The following PRKAR1A variants were observed in gnomAD, a reference collection of about 807,000 sequenced individuals.
PRKAR1A encodes protein kinase cAMP-dependent type I regulatory subunit alpha.
In PRKAR1A, 3 loss-of-function variants were observed where a neutral mutation model predicts 52.0. That is an observed-to-expected ratio of 0.06 (90% CI 0.03 to 0.15). PRKAR1A has a LOEUF of 0.15. Ranked by LOEUF, PRKAR1A falls within the 10% of genes least tolerant of loss-of-function variation. The pLI, the probability that PRKAR1A is intolerant of heterozygous loss-of-function variation, is 1.00. For synonymous variants in PRKAR1A, 188 were observed against 168.4 expected (o/e 1.12, Z -0.90); for missense variants, 240 against 477.4 (o/e 0.50, Z 4.63).
chr17:68,432,873 C>T, the PRKAR1A span, among the ~76,000 whole-genome samples: 7 of 152,194 alleles, frequency 4.6e-5, no homozygotes, highest in Non-Finnish European at 8.8e-5. Context: ...CCAGAATTTT[C>T]CAACCCCCAT....
chr17:68,433,869 A>G, the PRKAR1A span, among the ~76,000 whole-genome samples: 1 of 138,766 alleles, frequency 7.2e-6, no homozygotes, highest in Non-Finnish European at 1.5e-5. Flanking sequence ...TGCAACCTCT[A>G]CCTCCTGGGT....
the PRKAR1A span, chr17:68,421,899 C>T: frequency 6.3e-7 from 1 of 1,583,034 alleles, no homozygotes; most frequent in Non-Finnish European, 8.7e-7. Flanking sequence ...CAGGTCTGTG[C>T]CCATGCAGAG....
At chr17:68,534,225 A>AT (rs1473644237), downstream of PRKAR1A, among the ~76,000 whole-genome samples, 1 of 152,098 alleles carries the variant, frequency 6.6e-6, no homozygotes, top group Non-Finnish European at 1.5e-5. Flanking sequence ...ACTGAGTAAG[A>AT]TTTTTTCATT....
chr17:68,470,852 T>C, the PRKAR1A span, among the ~76,000 whole-genome samples: 1 of 152,134 alleles, frequency 6.6e-6, no homozygotes, highest in African/African-American at 2.4e-5. Flanking sequence ...AAAACCAAAA[T>C]AATGTATGAA....
the PRKAR1A span, among the ~76,000 whole-genome samples, chr17:68,417,118 T>G: frequency 2.0e-5 from 3 of 152,162 alleles, no homozygotes; most frequent in African/African-American, 7.2e-5. Context: ...TTATTAAGTC[T>G]TAGTAGTTTT....
intron 11 of PRKAR1A, among the ~76,000 whole-genome samples, chr17:68,550,270 A>G (rs2086771745): frequency 6.6e-6 from 1 of 151,954 alleles, no homozygotes; most frequent in South Asian, 2.1e-4. Flanking sequence ...CAATATAAAT[A>G]TAAGCAGACA....
chr17:68,496,359 G>C, the PRKAR1A span, among the ~76,000 whole-genome samples: 30,855 of 151,434 alleles, frequency 0.2, 3,520 homozygotes, highest in East Asian at 0.48. Flanking sequence ...CATTTTCAAA[G>C]CCAGCAATGG....
chr17:68,478,451 A>C, the PRKAR1A span, among the ~76,000 whole-genome samples: 1 of 152,140 alleles, frequency 6.6e-6, no homozygotes, highest in Admixed American at 6.5e-5. Context: ...ACTTCGTCTC[A>C]AAAACAACAA....
At chr17:68,452,417 T>C in the PRKAR1A span, among the ~76,000 whole-genome samples, 10 of 152,166 alleles carry the variant, frequency 6.6e-5, no homozygotes, top group African/African-American at 2.4e-4. Flanking sequence ...ATACAAAAAT[T>C]AGCTGGGTTT....
At chr17:68,529,279 G>C (rs1027286726) in intron 9 of PRKAR1A, among the ~76,000 whole-genome samples, 2 of 152,182 alleles carry the variant, frequency 1.3e-5, no homozygotes, top group African/African-American at 4.8e-5. Flanking sequence ...ATAACAAACT[G>C]TGATGATTCT....
the PRKAR1A span, among the ~76,000 whole-genome samples, chr17:68,456,237 A>G: frequency 1.3e-5 from 2 of 152,376 alleles, no homozygotes; most frequent in South Asian, 2.1e-4. Flanking sequence ...TTTTCAAACA[A>G]AGGCATATTG....
At chr17:68,503,115 G>A in the PRKAR1A span, among the ~76,000 whole-genome samples, 2 of 152,162 alleles carry the variant, frequency 1.3e-5, no homozygotes, top group Admixed American at 1.3e-4. Context: ...CACAAAAAAA[G>A]ATGCTTACCA....
chr17:68,470,698 A>G, the PRKAR1A span, among the ~76,000 whole-genome samples: 1 of 152,228 alleles, frequency 6.6e-6, no homozygotes, highest in South Asian at 2.1e-4. Flanking sequence ...TCCACATACA[A>G]ACAAAAAAAC....
At chr17:68,498,129 C>A in the PRKAR1A span, among the ~76,000 whole-genome samples, 1 of 152,158 alleles carries the variant, frequency 6.6e-6, no homozygotes, top group Non-Finnish European at 1.5e-5. Flanking sequence ...TCATGCCACA[C>A]CTTTGCTAGC....
the PRKAR1A span, among the ~76,000 whole-genome samples, chr17:68,458,385 T>G: frequency 6.6e-6 from 1 of 152,204 alleles, no homozygotes; most frequent in African/African-American, 2.4e-5. Flanking sequence ...TAAACAGTAA[T>G]TTGCAAAAAC....
chr17:68,499,271 T>G, the PRKAR1A span, among the ~76,000 whole-genome samples: 1 of 152,154 alleles, frequency 6.6e-6, no homozygotes, highest in Non-Finnish European at 1.5e-5. Context: ...TCTGCACATT[T>G]CCTCTGCTGG....
At chr17:68,418,939 G>A in the PRKAR1A span, among the ~76,000 whole-genome samples, 1 of 149,528 alleles carries the variant, frequency 6.7e-6, no homozygotes, top group Non-Finnish European at 1.5e-5. Flanking sequence ...GCTATCTTTT[G>A]CTTTAATTCC....
At chr17:68,470,746 G>A in the PRKAR1A span, among the ~76,000 whole-genome samples, 13 of 152,240 alleles carry the variant, frequency 8.5e-5, no homozygotes, top group African/African-American at 2.9e-4. Flanking sequence ...TGCACTGTGT[G>A]CTCTATATTT....
At chr17:68,457,640 T>G in the PRKAR1A span, 1 of 329,058 alleles carries the variant, frequency 3.0e-6, no homozygotes, top group Non-Finnish European at 5.2e-6. Context: ...CCCCTCCAGC[T>G]GGTCCCGAGG....
Sources: allele counts gnomAD v4.1 joint callset (sites outside exome capture counted in the v4.1 genomes callset), GRCh38; gene constraint gnomAD v4.1.1; transcripts MANE v1.5; gene names NCBI Gene and HGNC (gene_info 2026-07-23, HGNC 2026-07-21).